DNER: variants seen among roughly 807,000 people sequenced by gnomAD.
DNER encodes delta and Notch-like epidermal growth factor-related receptor.
In DNER, 33 loss-of-function variants were observed where a neutral mutation model predicts 78.2. The observed-to-expected ratio is 0.42, with a 90% confidence interval of 0.32 to 0.56. DNER has a LOEUF of 0.56. DNER is among the 20% of genes least tolerant of loss of function. DNER has a pLI of 0.11. For missense variants in DNER, 918 were observed against 975.3 expected (o/e 0.94, Z 0.78); for synonymous variants, 417 against 384.8 (o/e 1.08, Z -0.98).
chr2:229,585,848 G>T lies in DNER; in HGVS notation c.847+10C>A, dbSNP rs778552000. On this transcript the variant is annotated intron_variant, in intron 4 of 12. Transcript: ENST00000341772. ...GATGCAGTGTTGAGTAGAAGATTTTGGTAACTCACCAATAAAGTGATTATT... is the reference window on the plus strand; with the variant it reads ...GATGCAGTGTTGAGTAGAAGATTTTTGTAACTCACCAATAAAGTGATTATT... 6.2e-7 allele frequency: 1 copy of T among 1,613,596 alleles called. No homozygotes were observed. Among genetic ancestry groups the T allele is most frequent in the South Asian group, 1.1e-5 (1 of 91,018 alleles).
intron 6 of DNER, among the ~76,000 whole-genome samples, chr2:229,505,385 C>T (rs189229007): frequency 6.6e-6 from 1 of 152,208 alleles, no homozygotes; most frequent in East Asian, 1.9e-4. Flanking sequence ...AGTTATGATG[C>T]CAAGGTAACA....
At chr2:229,644,021 T>G (rs2154216085) in intron 1 of DNER, among the ~76,000 whole-genome samples, 1 of 152,252 alleles carries the variant, frequency 6.6e-6, no homozygotes, top group African/African-American at 2.4e-5. Context: ...CTCATTGGCT[T>G]GCACAGCTGT....
At chr2:229,521,306 T>C (rs1696092974) in intron 5 of DNER, among the ~76,000 whole-genome samples, 1 of 152,222 alleles carries the variant, frequency 6.6e-6, no homozygotes, top group Non-Finnish European at 1.5e-5. Context: ...CAGTGTGTCC[T>C]GGCCGACTCA....
intron 1 of DNER, among the ~76,000 whole-genome samples, chr2:229,647,723 TGTCA>T (rs1300704244): frequency 1.3e-5 from 2 of 152,244 alleles, no homozygotes; most frequent in Non-Finnish European, 2.9e-5. Flanking sequence ...GATGACGAAC[TGTCA>T]GTCAATGATT....
intron 11 of DNER, among the ~76,000 whole-genome samples, chr2:229,371,025 T>A (rs912829489): frequency 1.3e-5 from 2 of 152,210 alleles, no homozygotes; most frequent in African/African-American, 4.8e-5. Context: ...AAACTCTGTA[T>A]TCCAAGCTGT....
At chr2:229,582,308 G>A (rs1697411983) in intron 4 of DNER, among the ~76,000 whole-genome samples, 1 of 152,216 alleles carries the variant, frequency 6.6e-6, no homozygotes, top group African/African-American at 2.4e-5. Context: ...TGTTTCTGAA[G>A]GATGAAAAGA....
rs77159234 is a variant in DNER, at chr2:229,514,046, C to G, written c.994-1110G>C. Reference sequence around the variant, plus strand: ...GAAGAGAAAAGGGTTATCCATTCTTCTCTTTAGTACATTTTTGTCTCTCAA... The same window carrying G: ...GAAGAGAAAAGGGTTATCCATTCTTGTCTTTAGTACATTTTTGTCTCTCAA... On this transcript the variant is annotated intron_variant, in intron 5 of 12. Coordinates refer to ENST00000341772, the MANE Select transcript of DNER (RefSeq NM_139072.4). Among the ~76,000 whole-genome samples, 254 of 152,286 alleles carry G rather than the reference C, an allele frequency of 1.7e-3. 1 individual carries two copies. The highest frequency in any genetic ancestry group is 6.8e-3 in the Middle Eastern group (2 of 292).
intron 1 of DNER, among the ~76,000 whole-genome samples, chr2:229,607,562 A>G (rs1462028310): frequency 1.5e-4 from 23 of 152,226 alleles, no homozygotes; most frequent in Non-Finnish European, 2.9e-5. Flanking sequence ...AAAGGACCAA[A>G]TATTTTCAAG....
At chr2:229,609,762 G>C (rs780987030) in intron 1 of DNER, among the ~76,000 whole-genome samples, 9 of 152,142 alleles carry the variant, frequency 5.9e-5, no homozygotes, top group Non-Finnish European at 1.2e-4. Context: ...TGCAGGAAAA[G>C]GCAAGGACGA....
intron 5 of DNER, among the ~76,000 whole-genome samples, chr2:229,532,225 A>G (rs925642521): frequency 6.6e-6 from 1 of 152,138 alleles, no homozygotes; most frequent in Admixed American, 6.5e-5. Flanking sequence ...ACTCGCTCAG[A>G]AAAGGAAGGT....
At chr2:229,567,250 T>C (rs1202320751) in intron 4 of DNER, among the ~76,000 whole-genome samples, 1 of 152,224 alleles carries the variant, frequency 6.6e-6, no homozygotes, top group Admixed American at 6.5e-5. Context: ...TGATCACAGT[T>C]GTAATTTTCT....
At chr2:229,634,879 A>G (rs914775291) in intron 1 of DNER, among the ~76,000 whole-genome samples, 8 of 152,186 alleles carry the variant, frequency 5.3e-5, no homozygotes, top group Admixed American at 1.3e-4. Context: ...CCCCCCACCA[A>G]TGGAAACCCT....
At position 229,410,850 on chromosome 2, in the gene DNER, G is replaced by A. The variant is rs370682380; in HGVS notation, c.1610-3505C>T. ...ATGAAAATCAATATTTTATCTCCAA[G>A]AAACGAAGCCAGTAAAGAAGTGTTA... is the stretch of plus-strand genomic sequence containing the variant. On this transcript the variant is annotated intron_variant, in intron 9 of 12. Coordinates refer to ENST00000341772, the MANE Select transcript of DNER (RefSeq NM_139072.4). Among the ~76,000 whole-genome samples the A allele has an allele frequency of 8.7e-4, 133 of 152,260 alleles. 1 individual carries two copies. In the South Asian group the frequency reaches 0.012, roughly 14 times the overall value.
At chr2:229,645,157 C>T (rs569151398) in intron 1 of DNER, among the ~76,000 whole-genome samples, 92 of 152,202 alleles carry the variant, frequency 6.0e-4, no homozygotes, top group Non-Finnish European at 1.0e-3. Context: ...CCACCACACC[C>T]GGTTAAATTT....
At chr2:229,700,576 T>C (rs971876012) in intron 1 of DNER, among the ~76,000 whole-genome samples, 4 of 152,164 alleles carry the variant, frequency 2.6e-5, no homozygotes, top group South Asian at 4.2e-4. Flanking sequence ...AGTCACACAA[T>C]GGCATACTAG....
chr2:229,708,759 G>A (rs565966082), intron 1 of DNER, among the ~76,000 whole-genome samples: 24 of 152,318 alleles, frequency 1.6e-4, no homozygotes, highest in African/African-American at 5.5e-4. Flanking sequence ...ACAGGAACAC[G>A]TTTTTGTGAG....
At chr2:229,658,996 T>G (rs911659381) in intron 1 of DNER, among the ~76,000 whole-genome samples, 2 of 152,184 alleles carry the variant, frequency 1.3e-5, no homozygotes, top group African/African-American at 4.8e-5. Context: ...CGTCTCTACA[T>G]CTGCATTTTG....
chr2:229,488,260 T>C (rs7570739), intron 6 of DNER, among the ~76,000 whole-genome samples: 19,030 of 152,296 alleles, frequency 0.12, 1,331 homozygotes, highest in South Asian at 0.2. Flanking sequence ...TACAAAGAAG[T>C]GCCCTTGATG....
chr2:229,447,589 A>G (rs1051192868), intron 7 of DNER, 49 bp from the exon 8 acceptor site: 1 of 1,553,002 alleles, frequency 6.4e-7, no homozygotes, highest in Non-Finnish European at 8.8e-7. Flanking sequence ...ACATTTGCAC[A>G]TAATAACTAA....
Sources: gnomAD v4.1 joint callset for allele counts (sites outside exome capture counted in the v4.1 genomes callset) on GRCh38, gnomAD v4.1.1 for gene constraint, MANE v1.5 for transcripts, NCBI Gene and HGNC (gene_info 2026-07-23, HGNC 2026-07-21) for gene names.